TANC2: variants seen among roughly 807,000 people sequenced by gnomAD.
The protein encoded by TANC2 is protein TANC2.
In TANC2, 26 loss-of-function variants were observed where a neutral mutation model predicts 210.5. The ratio of observed to expected loss-of-function variants is 0.12; its 90% CI spans 0.09 to 0.17. The LOEUF (loss-of-function observed/expected upper bound fraction) is 0.17. Among genes scored for constraint, TANC2 ranks in the 10% least tolerant of loss-of-function variants. The probability of loss-of-function intolerance (pLI) is 1.00; values close to 1 mark genes in which losing one functional copy is unlikely to be tolerated. For synonymous variants in TANC2, 931 were observed against 967.1 expected, an observed-to-expected ratio of 0.96 and a Z score of 0.69; for missense variants, 2,129 against 2,608.9, an observed-to-expected ratio of 0.82 and a Z score of 4.01.
At chr17:63,305,200 T>C (rs2044860309) in intron 9 of TANC2, 1 of 152,250 alleles carries the variant, frequency 6.6e-6, no homozygotes, top group Non-Finnish European at 1.5e-5. Flanking sequence ...CTAGGCCCTG[T>C]TGGTGTGGGC....
chr17:63,273,005 C>T (rs538021322), intron 9 of TANC2, among the ~76,000 whole-genome samples: 67 of 152,194 alleles, frequency 4.4e-4, no homozygotes, highest in African/African-American at 1.5e-3. Flanking sequence ...ATTACACAGG[C>T]GGCTATGGCT....
intron 24 of TANC2, 122 bp from the exon 25 acceptor site, chr17:63,413,421 A>G (rs1158020353): frequency 9.2e-6 from 6 of 654,620 alleles, no homozygotes; most frequent in Admixed American, 5.6e-5. Context: ...AAGATGAGGT[A>G]CTAATTGTGG....
intron 24 of TANC2, 158 bp from the exon 25 acceptor site, chr17:63,413,385 A>C (rs189646533): frequency 1.9e-6 from 1 of 538,026 alleles, no homozygotes; most frequent in African/African-American, 1.9e-5. Context: ...TGGCAGTGGG[A>C]GTTACTAAAA....
At chr17:63,010,835 G>T (rs2033834874) in intron 2 of TANC2, among the ~76,000 whole-genome samples, 1 of 152,160 alleles carries the variant, frequency 6.6e-6, no homozygotes, top group South Asian at 2.1e-4. Context: ...AAGGTATAGG[G>T]GAAAGGGCCC....
At chr17:63,034,703 T>C (rs369875004) in intron 2 of TANC2, among the ~76,000 whole-genome samples, 1 of 152,166 alleles carries the variant, frequency 6.6e-6, no homozygotes, top group African/African-American at 2.4e-5. Flanking sequence ...CCCTCATGGA[T>C]AGCTTTGAAG....
chr17:63,393,776 A>AT (rs58388281), intron 17 of TANC2, among the ~76,000 whole-genome samples: 140 of 124,112 alleles, frequency 1.1e-3, no homozygotes, highest in African/African-American at 2.8e-3. Flanking sequence ...TATTATTATT[A>AT]TTTTTTTTTT....
chr17:63,196,215 A>T (rs1430021732), intron 6 of TANC2, among the ~76,000 whole-genome samples: 2 of 152,198 alleles, frequency 1.3e-5, no homozygotes, highest in Non-Finnish European at 2.9e-5. Context: ...AGATCTGATG[A>T]TTTTTTAAAT....
At chr17:63,239,164 AG>A (rs1173586876) in intron 8 of TANC2, among the ~76,000 whole-genome samples, 1 of 151,648 alleles carries the variant, frequency 6.6e-6, no homozygotes, top group Non-Finnish European at 1.5e-5. Context: ...AAAAAAAAAA[AG>A]AAAGAAATGA....
intron 3 of TANC2, among the ~76,000 whole-genome samples, chr17:63,093,461 A>T (rs1003477918): frequency 1.3e-5 from 2 of 152,000 alleles, no homozygotes; most frequent in Non-Finnish European, 2.9e-5. Context: ...AGACTGTTTC[A>T]TTCATTTTGT....
At chr17:63,044,409 CTTAG>C (rs1252400972) in intron 2 of TANC2, among the ~76,000 whole-genome samples, 4 of 152,028 alleles carry the variant, frequency 2.6e-5, no homozygotes, top group African/African-American at 4.8e-5. Flanking sequence ...TTGTTAGAAA[CTTAG>C]TTTGTTTCTT....
intron 1 of TANC2, among the ~76,000 whole-genome samples, chr17:62,977,947 ATAT>A (rs2032104162): frequency 2.0e-5 from 3 of 152,302 alleles, no homozygotes; most frequent in South Asian, 2.1e-4. Context: ...AATAGGGATC[ATAT>A]TATTTATTGC....
At chr17:63,178,127 C>T (rs1005210696) in intron 5 of TANC2, among the ~76,000 whole-genome samples, 1 of 152,126 alleles carries the variant, frequency 6.6e-6, no homozygotes, top group Non-Finnish European at 1.5e-5. Context: ...GTCAGGAGAT[C>T]GAGACCATCG....
chr17:63,054,950 T>A (rs1370612064), intron 2 of TANC2, among the ~76,000 whole-genome samples: 2 of 152,216 alleles, frequency 1.3e-5, no homozygotes, highest in Non-Finnish European at 2.9e-5. Context: ...GAAGACAACC[T>A]CCTTCAACAT....
intron 5 of TANC2, among the ~76,000 whole-genome samples, chr17:63,174,655 A>G (rs2040516379): frequency 6.6e-6 from 1 of 152,128 alleles, no homozygotes; most frequent in Admixed American, 6.5e-5. Context: ...CTCCTACTCT[A>G]ACTACTTTTA....
chr17:63,067,038 G>C lies in TANC2; in HGVS notation c.68-6905G>C, dbSNP rs927456723. On this transcript the variant is annotated intron_variant, in intron 2 of 27. Transcript: ENST00000689528. ...CAGATCACTGCCCAGCACCCTGACT[G>C]ACCACTTCAGGGTACACAGGCAGTA... 2.6e-5 allele frequency among the ~76,000 whole-genome samples: 4 copies of C among 152,234 alleles called. No individual in the cohort carries two copies. The East Asian group carries it at 7.7e-4, about 29-fold the overall frequency.
chr17:63,014,899 G>A (rs2034036086), intron 2 of TANC2, among the ~76,000 whole-genome samples: 1 of 152,070 alleles, frequency 6.6e-6, no homozygotes, highest in Admixed American at 6.6e-5. Context: ...TATTGTGTAT[G>A]CAGAGAATTC....
intron 7 of TANC2, among the ~76,000 whole-genome samples, chr17:63,206,990 A>G (rs1232670709): frequency 6.6e-6 from 1 of 152,098 alleles, no homozygotes; most frequent in Admixed American, 6.5e-5. Flanking sequence ...ACCCTATAAC[A>G]AAAATGACCT....
At chr17:63,180,140 A>G (rs181272164) in intron 5 of TANC2, among the ~76,000 whole-genome samples, 1 of 152,286 alleles carries the variant, frequency 6.6e-6, no homozygotes, top group Admixed American at 6.5e-5. Flanking sequence ...TCTCAAAAAA[A>G]CAAAAAACAA....
At chr17:63,155,113 GTGAA>G (rs1215612355) in intron 5 of TANC2, 1 of 151,938 alleles carries the variant, frequency 6.6e-6, no homozygotes, top group Non-Finnish European at 1.5e-5. Context: ...GCATGTATTA[GTGAA>G]TAAGAGCTTA....
Sources: allele counts gnomAD v4.1 joint callset (sites outside exome capture counted in the v4.1 genomes callset), GRCh38; gene constraint gnomAD v4.1.1; transcripts MANE v1.5; gene names NCBI Gene and HGNC (gene_info 2026-07-23, HGNC 2026-07-21).